Variants in ZNRF3 observed in about 807,000 individuals in gnomAD.
The protein encoded by ZNRF3 is zinc and ring finger 3, also known as E3 ubiquitin-protein ligase ZNRF3.
In ZNRF3, 23 loss-of-function variants were observed where a neutral mutation model predicts 72.5. That is an observed-to-expected ratio of 0.32 (90% CI 0.23 to 0.45). The LOEUF is 0.45. ZNRF3 is among the 20% of genes least tolerant of loss of function. The pLI, the probability that ZNRF3 is intolerant of heterozygous loss-of-function variation, is 1.00. For synonymous variants in ZNRF3, 610 were observed against 545.3 expected (o/e 1.12, Z -1.65); for missense variants, 1,169 against 1,272.1 (o/e 0.92, Z 1.23).
chr22:29,041,423 C>A (rs2036960021), intron 2 of ZNRF3, among the ~76,000 whole-genome samples: 1 of 152,136 alleles, frequency 6.6e-6, no homozygotes, highest in African/African-American at 2.4e-5. Flanking sequence ...CCTTGCTGTC[C>A]CCTTAGCTGG....
intron 1 of ZNRF3, among the ~76,000 whole-genome samples, chr22:28,947,148 T>C (rs2123791881): frequency 6.6e-6 from 1 of 152,346 alleles, no homozygotes; most frequent in South Asian, 2.1e-4. Context: ...AATAAGCACA[T>C]ATGGGAATGC....
intron 1 of ZNRF3, among the ~76,000 whole-genome samples, chr22:28,975,508 A>AAAAC (rs2035655366): frequency 1.7e-5 from 1 of 60,526 alleles, no homozygotes; most frequent in African/African-American, 4.2e-5. Context: ...ACTCTGTCTC[A>AAAAC]AAAAAAAAAA....
chr22:29,032,437 A>G (rs999745689), intron 2 of ZNRF3, among the ~76,000 whole-genome samples: 5 of 152,196 alleles, frequency 3.3e-5, no homozygotes, highest in African/African-American at 7.2e-5. Context: ...CCTGGGGTCA[A>G]GGTTGGCCGG....
chr22:29,031,768 G>A (rs1207753131), intron 2 of ZNRF3: 2 of 274,832 alleles, frequency 7.3e-6, no homozygotes, highest in Non-Finnish European at 1.1e-5. Context: ...CCCTAGGACC[G>A]GCTGGGTGCT....
intron 1 of ZNRF3, among the ~76,000 whole-genome samples, chr22:28,938,810 A>G (rs2034888305): frequency 6.6e-6 from 1 of 152,172 alleles, no homozygotes; most frequent in Non-Finnish European, 1.5e-5. Context: ...AAGATGTAAG[A>G]TGGGTTTCGG....
intron 1 of ZNRF3, among the ~76,000 whole-genome samples, chr22:28,957,633 G>T (rs564750882): frequency 6.6e-6 from 1 of 151,786 alleles, no homozygotes; most frequent in Non-Finnish European, 1.5e-5. Flanking sequence ...TAGAGACGGG[G>T]TTTCACCATG....
intron 1 of ZNRF3, among the ~76,000 whole-genome samples, chr22:28,948,163 A>T (rs977808976): frequency 6.0e-5 from 9 of 150,204 alleles, no homozygotes; most frequent in East Asian, 1.9e-4. Flanking sequence ...TTTTTTATTT[A>T]AAAAAAAATT....
At chr22:28,956,395 C>T (rs1290979922) in intron 1 of ZNRF3, among the ~76,000 whole-genome samples, 3 of 135,690 alleles carry the variant, frequency 2.2e-5, no homozygotes, top group African/African-American at 8.3e-5. Context: ...CATCCTTTTG[C>T]ATCGAATGAA....
chr22:29,025,950 C>G (rs1464040221), intron 2 of ZNRF3: 1 of 152,168 alleles, frequency 6.6e-6, no homozygotes, highest in Non-Finnish European at 1.5e-5. Context: ...ACCCCGGATG[C>G]GTGGTAGGGA....
chr22:29,017,899 T>G, intron 2 of ZNRF3: 1 of 476,904 alleles, frequency 2.1e-6, no homozygotes, highest in Non-Finnish European at 4.2e-6. Context: ...AAAGGAGGCT[T>G]TTAGATGTGT....
At chr22:29,020,847 A>C (rs956395614) in intron 2 of ZNRF3, among the ~76,000 whole-genome samples, 2 of 149,508 alleles carry the variant, frequency 1.3e-5, no homozygotes, top group Non-Finnish European at 3.0e-5. Context: ...CCCAGGCTGG[A>C]GTGCAGTGGG....
rs1281185660 is a variant in ZNRF3, at chr22:28,884,098, C to A, written c.300+32C>A. 11 of 1,171,678 alleles carry A rather than the reference C, an allele frequency of 9.4e-6. No homozygotes were observed. In the Admixed American group the frequency reaches 2.0e-4, roughly 21 times the overall value. 72.6% of individuals were successfully genotyped at this position (1,171,678 alleles called of 1,614,324 possible). On this transcript the variant is annotated intron_variant, in intron 1 of 8. Coordinates refer to ENST00000544604, the MANE Select transcript of ZNRF3 (RefSeq NM_001206998.2). ...GCCCGCCGCCCGGGCCCCGCGCCGCCTCCGCCACAAGATGGCTCCGGGGGC... is the reference window on the plus strand; with the variant it reads ...GCCCGCCGCCCGGGCCCCGCGCCGCATCCGCCACAAGATGGCTCCGGGGGC...
At chr22:28,884,690 C>T (rs998606601) in intron 1 of ZNRF3, among the ~76,000 whole-genome samples, 2 of 152,178 alleles carry the variant, frequency 1.3e-5, no homozygotes, top group Admixed American at 1.3e-4. Context: ...TCGCTGCATG[C>T]TTCACATTAC....
rs199953416 is a variant in ZNRF3 at position 29,054,011 on chromosome 22, G to GAA, written c.*397_*398dup. On this transcript the variant is annotated 3_prime_UTR_variant, in exon 9 of 9. Coordinates refer to ENST00000544604, the MANE Select transcript of ZNRF3 (RefSeq NM_001206998.2). Reference sequence around the variant, plus strand: ...CTAACTGCCAACTTTTGCTGAAAAAGAAAAAAAAATCACTGCTGCATTAAA... The same window carrying GAA: ...CTAACTGCCAACTTTTGCTGAAAAAGAAAAAAAAAAATCACTGCTGCATTAAA... 2 of 155,008 alleles carry GAA rather than the reference G, an allele frequency of 1.3e-5. No homozygotes were observed. The highest frequency in any genetic ancestry group is 2.8e-5 in the Non-Finnish European group (2 of 70,468). 9.6% of individuals were successfully genotyped at this position (155,008 alleles called of 1,614,324 possible).
intron 1 of ZNRF3, among the ~76,000 whole-genome samples, chr22:28,965,351 T>G (rs1012777263): frequency 6.6e-6 from 1 of 152,190 alleles, no homozygotes; most frequent in African/African-American, 2.4e-5. Flanking sequence ...GTTCTGCTAG[T>G]TTTATAGGCT....
At position 29,052,823 on chromosome 22, in the gene ZNRF3, A is replaced by T. The variant is rs564868434; in HGVS notation, c.2768-756A>T. On this transcript the variant is annotated intron_variant, in intron 8 of 8. Transcript: ENST00000544604. ...ACCCTATCTCTTAAAAAAAAATTTA[A>T]AAAAAAATTTTTTTTTAATTAGCTG... 9.2e-5 allele frequency among the ~76,000 whole-genome samples: 14 copies of T among 151,784 alleles called. No individual in the cohort carries two copies. The South Asian group carries it at 2.9e-3, about 32-fold the overall frequency.
chr22:29,046,315 A>G (rs73882447), intron 5 of ZNRF3, among the ~76,000 whole-genome samples: 2,500 of 152,226 alleles, frequency 0.016, 79 homozygotes, highest in African/African-American at 0.058. Context: ...AGCACAGCCT[A>G]TTTGCCAGGT....
At chr22:28,935,688 G>T (rs2034806648) in intron 1 of ZNRF3, among the ~76,000 whole-genome samples, 1 of 152,146 alleles carries the variant, frequency 6.6e-6, no homozygotes, top group Non-Finnish European at 1.5e-5. Context: ...GATTTGTTCA[G>T]TTCCACCCTT....
chr22:29,014,645 A>G (rs2036403323), intron 2 of ZNRF3, among the ~76,000 whole-genome samples: 1 of 152,198 alleles, frequency 6.6e-6, no homozygotes, highest in Non-Finnish European at 1.5e-5. Flanking sequence ...TCATATGTTT[A>G]TTAAGCACTG....
Sources: allele counts gnomAD v4.1 joint callset (sites outside exome capture counted in the v4.1 genomes callset), GRCh38; gene constraint gnomAD v4.1.1; transcripts MANE v1.5; gene names NCBI Gene and HGNC (gene_info 2026-07-23, HGNC 2026-07-21).